DOCK2: variants seen among roughly 807,000 people sequenced by gnomAD.
The protein encoded by DOCK2 is dedicator of cytokinesis protein 2.
Under a neutral mutation model 248.9 loss-of-function variants are expected in DOCK2, and 87 were observed. The observed-to-expected ratio is 0.35, with a 90% CI of 0.29 to 0.42. The LOEUF is 0.42. DOCK2 is among the 10% of genes least tolerant of loss of function. The pLI is 1.00. For missense variants in DOCK2, 1,747 were observed against 2,300.2 expected (o/e 0.76, Z 4.92); for synonymous variants, 805 against 821.6 (o/e 0.98, Z 0.35).
At chr5:170,024,357 CTTT>C (rs35718164) in intron 33 of DOCK2, among the ~76,000 whole-genome samples, 1 of 100,748 alleles carries the variant, frequency 9.9e-6, no homozygotes. Flanking sequence ...TTGGGAGAGC[CTTT>C]TTTTTTTTTT....
chr5:169,764,844 TTTGTTG>T lies in DOCK2; in HGVS notation c.2554+3243_2554+3248del, dbSNP rs10636919. 7.3e-5 allele frequency among the ~76,000 whole-genome samples: 11 copies of T among 150,948 alleles called. No individual in the cohort carries two copies. Among genetic ancestry groups the T allele is most frequent in the Non-Finnish European group, 1.0e-4 (7 of 67,858 alleles). ...GCTCTCCATTCTGACTTTGAACGTG[TTTGTTG>T]TTGTTGTTGTTGTTGTTGTTGTTTT... is the stretch of plus-strand genomic sequence containing the variant. On this transcript the variant is annotated intron_variant, in intron 25 of 51. Transcript: ENST00000520908. The surrounding 1 kb of genome is among the most constrained non-coding windows in gnomAD (Gnocchi z 4.3).
At chr5:169,662,266 G>A (rs1158199289) in intron 2 of DOCK2, among the ~76,000 whole-genome samples, 1 of 152,160 alleles carries the variant, frequency 6.6e-6, no homozygotes, top group Non-Finnish European at 1.5e-5. Flanking sequence ...CTTCCTTGGA[G>A]AAATGTCTAT....
intron 22 of DOCK2, among the ~76,000 whole-genome samples, chr5:169,725,076 A>T (rs1762402790): frequency 1.3e-5 from 2 of 152,210 alleles, no homozygotes. Context: ...GTTTATGCCG[A>T]GCATGAGCTG....
At position 169,787,316 on chromosome 5, in the gene DOCK2, G is replaced by A. The variant is rs150191914; in HGVS notation, c.2555-15742G>A. On this transcript the variant is annotated intron_variant, in intron 25 of 51. Transcript: ENST00000520908. Reference sequence around the variant, plus strand: ...TCATTCCACCTTGTCTTGGGCTGACGGGCTGTGCATGGTACTCTAGCAGAG... The same window carrying A: ...TCATTCCACCTTGTCTTGGGCTGACAGGCTGTGCATGGTACTCTAGCAGAG... Among the ~76,000 whole-genome samples, 25 of 152,234 alleles carry A rather than the reference G, an allele frequency of 1.6e-4. 1 individual carries two copies. The highest frequency in any genetic ancestry group is 4.8e-4 in the African/African-American group (20 of 41,518).
intron 32 of DOCK2, among the ~76,000 whole-genome samples, chr5:170,011,171 G>A (rs1172633164): frequency 6.6e-6 from 1 of 152,184 alleles, no homozygotes; most frequent in African/African-American, 2.4e-5. Context: ...TGAGGTGGGA[G>A]ACCCAGAGCC....
intron 26 of DOCK2, among the ~76,000 whole-genome samples, chr5:169,812,777 A>C (rs768127513): frequency 3.0e-4 from 46 of 152,212 alleles, no homozygotes; most frequent in Non-Finnish European, 6.5e-4. Flanking sequence ...TGCTTCTAAA[A>C]CATCCCTATA....
chr5:169,875,113 T>TA (rs1772239668), intron 27 of DOCK2: 1 of 431,056 alleles, frequency 2.3e-6, no homozygotes, highest in Admixed American at 2.6e-5. Context: ...AAGTATTTTT[T>TA]ATTCATGGGC....
chr5:170,081,635 G>A, intron 50 of DOCK2: 1 of 606,622 alleles, frequency 1.6e-6, no homozygotes, highest in Non-Finnish European at 2.8e-6. Context: ...ACCCTTGTCT[G>A]TAGGGTGGGC....
intron 25 of DOCK2, 51 bp from the exon 26 acceptor site, chr5:169,803,007 G>A: frequency 6.3e-7 from 1 of 1,589,794 alleles, no homozygotes; most frequent in South Asian, 1.2e-5. Flanking sequence ...TGAAAGAAAA[G>A]AAACTAAAAA....
chr5:169,735,625 CA>C (rs1384109321), intron 22 of DOCK2, among the ~76,000 whole-genome samples: 2 of 152,216 alleles, frequency 1.3e-5, no homozygotes, highest in African/African-American at 4.8e-5. Context: ...CTTAATTGCA[CA>C]GTGACTGGTG....
intron 29 of DOCK2, among the ~76,000 whole-genome samples, chr5:169,990,523 TCCGGG>T (rs1778177335): frequency 6.6e-6 from 1 of 152,208 alleles, no homozygotes; most frequent in South Asian, 2.1e-4. Flanking sequence ...AGAAAATGTT[TCCGGG>T]CACTTGGGGT....
At chr5:169,664,186 T>G (rs1175598684) in intron 2 of DOCK2, among the ~76,000 whole-genome samples, 1 of 152,212 alleles carries the variant, frequency 6.6e-6, no homozygotes, top group Admixed American at 6.5e-5. Flanking sequence ...GGAAAAGTGC[T>G]GCCAGCCAGT....
chr5:169,829,938 T>A (rs922549056), intron 26 of DOCK2, among the ~76,000 whole-genome samples: 17 of 152,350 alleles, frequency 1.1e-4, no homozygotes, highest in Admixed American at 7.2e-4. Flanking sequence ...AGACTGGAGA[T>A]GCAGGTCCCT....
chr5:169,914,807 G>C (rs1774787021), intron 27 of DOCK2, among the ~76,000 whole-genome samples: 1 of 152,228 alleles, frequency 6.6e-6, no homozygotes, highest in Non-Finnish European at 1.5e-5. Flanking sequence ...CTACACTCAT[G>C]TACATGATCT....
At chr5:169,815,652 A>C (rs1768023062) in intron 26 of DOCK2, among the ~76,000 whole-genome samples, 1 of 152,168 alleles carries the variant, frequency 6.6e-6, no homozygotes, top group South Asian at 2.1e-4. Flanking sequence ...TTAATTTTTT[A>C]AACAAAAAAA....
chr5:170,048,524 C>T lies in DOCK2; in HGVS notation c.4071+910C>T, dbSNP rs528428152. Among the ~76,000 whole-genome samples, 4 of 152,340 alleles carry T rather than the reference C, an allele frequency of 2.6e-5. No individual in the cohort carries two copies. In the South Asian group the frequency reaches 8.3e-4, roughly 32 times the overall value. On this transcript the variant is annotated intron_variant, in intron 40 of 51. Coordinates refer to ENST00000520908, the MANE Select transcript of DOCK2 (RefSeq NM_004946.3). ...ATCAGTGAAAATCATGAGATTGCTT[C>T]ACATTTCTGCAAATCTCTTTAATGT... is the stretch of plus-strand genomic sequence containing the variant.
chr5:169,661,717 C>T (rs1758457891), intron 2 of DOCK2, among the ~76,000 whole-genome samples: 1 of 152,072 alleles, frequency 6.6e-6, no homozygotes, highest in African/African-American at 2.4e-5. Context: ...TAATGCAATA[C>T]TTTCTGTGTC....
Position 170,055,370 on chromosome 5 carries a change from C to T in DOCK2, c.4279C>T (p.Pro1427Ser). The T allele has an allele frequency of 6.2e-7, 1 of 1,614,016 alleles. No homozygotes were observed. Among genetic ancestry groups the T allele is most frequent in the Non-Finnish European group, 8.5e-7 (1 of 1,179,868 alleles). The stretch of plus-strand genomic sequence containing the variant: ...TCCCAGGTTCAAGAATAAGCCAGTG[C>T]CTGACCAGATTATAAAGTAAGACTC... The part of the protein sequence containing the change: ...EHPRFKNKPV[P>S]DQIINFYKSN... Residue 1427 changes from proline to serine, a missense_variant, in exon 42 of 52, where the codon CCT becomes TCT. Physicochemically the swap from Pro to Ser is moderately conservative, Grantham distance 74. Transcript: ENST00000520908.
rs1046821688 is a variant in DOCK2 at position 169,763,807 on chromosome 5, G to A, written c.2554+2182G>A. On this transcript the variant is annotated intron_variant, in intron 25 of 51. Coordinates refer to ENST00000520908, the MANE Select transcript of DOCK2 (RefSeq NM_004946.3). The surrounding 1 kb of genome is among the most constrained non-coding windows in gnomAD (Gnocchi z 4.1). Reference sequence around the variant, plus strand: ...TAGAGGTAGACAAAGTATCCTTTGGGGACCCCTTTCAAAGAGGAGGCAAAG... The same window carrying A: ...TAGAGGTAGACAAAGTATCCTTTGGAGACCCCTTTCAAAGAGGAGGCAAAG... 1.3e-5 allele frequency among the ~76,000 whole-genome samples: 2 copies of A among 152,174 alleles called. No individual in the cohort carries two copies. Among genetic ancestry groups the A allele is most frequent in the African/African-American group, 4.8e-5 (2 of 41,438 alleles).
Sources: gnomAD v4.1 joint callset for allele counts (sites outside exome capture counted in the v4.1 genomes callset) on GRCh38, gnomAD v4.1.1 for gene constraint, Gnocchi (gnomAD v3.1) non-coding constraint, MANE v1.5 for transcripts, NCBI Gene and HGNC (gene_info 2026-07-23, HGNC 2026-07-21) for gene names.